The following DCLK1 variants were observed in gnomAD, a reference collection of about 807,000 sequenced individuals.
The protein encoded by DCLK1 is serine/threonine-protein kinase DCLK1.
DCLK1 carries 16 observed loss-of-function variants against 86.2 expected under a neutral mutation model. The ratio of observed to expected loss-of-function variants is 0.19; its 90% confidence interval spans 0.13 to 0.28. DCLK1 has a LOEUF of 0.28. Among genes scored for constraint, DCLK1 ranks in the 10% least tolerant of loss-of-function variants. The pLI is 1.00. For missense variants in DCLK1, 590 were observed against 940.2 expected, an observed-to-expected ratio of 0.63 and a Z score of 4.87; for synonymous variants, 369 against 370.5, an observed-to-expected ratio of 1.00 and a Z score of 0.05.
At chr13:35,926,466 T>C (rs550855891) in intron 4 of DCLK1, among the ~76,000 whole-genome samples, 34 of 152,330 alleles carry the variant, frequency 2.2e-4, no homozygotes, top group African/African-American at 8.2e-4. Flanking sequence ...AAGCAGCCCT[T>C]GTACCATTTT....
rs116210188 is a variant in DCLK1, at chr13:35,915,857, G to T, written c.823+31501C>A. Among the ~76,000 whole-genome samples, 1,062 of 152,298 alleles carry T rather than the reference G, an allele frequency of 7.0e-3. 11 individuals carry two copies. The highest frequency in any genetic ancestry group is 0.021 in the African/African-American group (856 of 41,572). ...TTATGTTTTGATTGATCACTAACCT[G>T]TGTAGGCTGCCACCAAATAAAAAGT... On this transcript the variant is annotated intron_variant, in intron 4 of 16. Coordinates refer to ENST00000360631, the MANE Select transcript of DCLK1 (RefSeq NM_001330071.2).
chr13:35,846,725 A>T (rs542228298), intron 6 of DCLK1: 1 of 985,356 alleles, frequency 1.0e-6, no homozygotes, highest in East Asian at 1.1e-4. Flanking sequence ...TGTCACTAAC[A>T]TGCACAAATA....
chr13:35,923,987 T>C (rs1875954139), intron 4 of DCLK1, among the ~76,000 whole-genome samples: 7 of 152,194 alleles, frequency 4.6e-5, no homozygotes, highest in Admixed American at 4.6e-4. Flanking sequence ...CATAAGGATC[T>C]GGGTATTTCA....
chr13:36,008,223 TA>T (rs200625508), intron 3 of DCLK1, among the ~76,000 whole-genome samples: 38,819 of 83,112 alleles, frequency 0.47, 6,402 homozygotes, highest in South Asian at 0.54. Flanking sequence ...TTATTATTAT[TA>T]TTATTTTTTT....
At chr13:35,932,946 C>T (rs1646117009) in intron 4 of DCLK1, among the ~76,000 whole-genome samples, 1 of 152,214 alleles carries the variant, frequency 6.6e-6, no homozygotes, top group South Asian at 2.1e-4. Flanking sequence ...TGAGACAAGG[C>T]AAGTCCCTTC....
chr13:35,969,142 A>G (rs1878939962), intron 3 of DCLK1, among the ~76,000 whole-genome samples: 1 of 152,218 alleles, frequency 6.6e-6, no homozygotes, highest in African/African-American at 2.4e-5. Flanking sequence ...TTTTTGAACC[A>G]ACAGTTAGGA....
At chr13:35,889,244 T>C (rs1873486328) in intron 4 of DCLK1, among the ~76,000 whole-genome samples, 1 of 152,174 alleles carries the variant, frequency 6.6e-6, no homozygotes, top group African/African-American at 2.4e-5. Context: ...ACACAGAAAA[T>C]ATCAACCCTT....
At chr13:35,882,256 T>C (rs1009448060) in intron 4 of DCLK1, among the ~76,000 whole-genome samples, 10 of 152,208 alleles carry the variant, frequency 6.6e-5, no homozygotes, top group Non-Finnish European at 7.3e-5. Flanking sequence ...GTGTCTGTGT[T>C]ATTTCCTTGA....
chr13:35,817,566 T>C (rs1047446153), intron 11 of DCLK1, among the ~76,000 whole-genome samples: 1 of 152,168 alleles, frequency 6.6e-6, no homozygotes, highest in African/African-American at 2.4e-5. Context: ...CATGCTGTCA[T>C]ATACAGTACA....
chr13:35,826,564 A>AGGGAGGGAGGG (rs1301930448), intron 10 of DCLK1, among the ~76,000 whole-genome samples: 5 of 46,036 alleles, frequency 1.1e-4, no homozygotes, highest in Admixed American at 3.1e-4. Context: ...AGAAAGAAAC[A>AGGGAGGGAGGG]AGTCCTAATT....
At chr13:36,088,700 T>C (rs377469261) in intron 3 of DCLK1, among the ~76,000 whole-genome samples, 15 of 152,218 alleles carry the variant, frequency 9.9e-5, no homozygotes, top group African/African-American at 2.2e-4. Flanking sequence ...CCGATGTACC[T>C]TGAGATTCCA....
At chr13:35,838,869 G>T in intron 7 of DCLK1, among the ~76,000 whole-genome samples, 1 of 152,100 alleles carries the variant, frequency 6.6e-6, no homozygotes. Context: ...GCCCTCAGAG[G>T]ATGGGAAATG....
At chr13:36,081,694 G>C (rs540303674) in intron 3 of DCLK1, among the ~76,000 whole-genome samples, 3 of 152,064 alleles carry the variant, frequency 2.0e-5, no homozygotes, top group Non-Finnish European at 4.4e-5. Flanking sequence ...GCGCATGAAG[G>C]TCTCACAACT....
intron 3 of DCLK1, among the ~76,000 whole-genome samples, chr13:36,083,502 T>C (rs1461359339): frequency 6.6e-6 from 1 of 152,188 alleles, no homozygotes; most frequent in Non-Finnish European, 1.5e-5. Context: ...AGTCCTCTAC[T>C]GTTTATTGGT....
intron 8 of DCLK1, among the ~76,000 whole-genome samples, chr13:35,833,324 A>T (rs960443316): frequency 9.9e-5 from 15 of 152,098 alleles, no homozygotes; most frequent in Admixed American, 9.8e-4. Context: ...AAAGTTAGGG[A>T]TGAAAGGCAT....
intron 3 of DCLK1, among the ~76,000 whole-genome samples, chr13:35,974,472 T>C (rs1879230111): frequency 6.6e-6 from 1 of 152,158 alleles, no homozygotes; most frequent in Non-Finnish European, 1.5e-5. Flanking sequence ...TCATGTCGAA[T>C]TGTAATCCCC....
intron 3 of DCLK1, among the ~76,000 whole-genome samples, chr13:36,076,607 A>G (rs1884223268): frequency 6.6e-6 from 1 of 152,192 alleles, no homozygotes; most frequent in Admixed American, 6.5e-5. Context: ...AGAATATAGT[A>G]AGACCCTAGT....
At chr13:35,794,873 G>C (rs1284013146) in intron 15 of DCLK1, among the ~76,000 whole-genome samples, 3 of 152,162 alleles carry the variant, frequency 2.0e-5, no homozygotes, top group Admixed American at 6.5e-5. Context: ...GCTACTTGGG[G>C]AGGGAACAGA....
intron 3 of DCLK1, among the ~76,000 whole-genome samples, chr13:35,996,552 A>G (rs962963658): frequency 1.3e-5 from 2 of 152,200 alleles, no homozygotes; most frequent in African/African-American, 4.8e-5. Context: ...TGAATAGAAC[A>G]AAAGGCTGAC....
Sources: gnomAD v4.1 joint callset for allele counts (sites outside exome capture counted in the v4.1 genomes callset) on GRCh38, gnomAD v4.1.1 for gene constraint, MANE v1.5 for transcripts, NCBI Gene and HGNC (gene_info 2026-07-23, HGNC 2026-07-21) for gene names.